Variants in HTRA1 observed in about 807,000 individuals in gnomAD.
HTRA1 encodes serine protease HTRA1.
In HTRA1, 26 loss-of-function variants were observed where a neutral mutation model predicts 49.7. The ratio of observed to expected loss-of-function variants is 0.52; its 90% CI spans 0.38 to 0.73. The LOEUF is 0.73. Among genes scored for constraint, HTRA1 ranks in the 30% least tolerant of loss-of-function variants. HTRA1 has a pLI of 0.00. For synonymous variants in HTRA1, 291 were observed against 286.9 expected (o/e 1.01, Z -0.14); for missense variants, 561 against 667.2 (o/e 0.84, Z 1.75).
chr10:122,506,614 G>A lies in HTRA1; in HGVS notation c.778-77G>A, dbSNP rs1015682855. 4.5e-6 allele frequency: 6 copies of A among 1,341,864 alleles called. No individual in the cohort carries two copies. Among genetic ancestry groups the A allele is most frequent in the African/African-American group, 2.9e-5 (2 of 69,934 alleles). 83.1% of individuals were successfully genotyped at this position (1,341,864 alleles called of 1,614,324 possible). A position where few individuals can be genotyped will look rare whatever the true frequency, so the allele number is the denominator to read the frequency against. On this transcript the variant is annotated intron_variant, in intron 3 of 8. Coordinates refer to ENST00000368984, the MANE Select transcript of HTRA1 (RefSeq NM_002775.5). This position sits in a 1 kb window ranked among gnomAD's most constrained non-coding sequence, Gnocchi z 5.2. ...AATAGCCCGTCACTGTCCCTGCTTG[G>A]TTTTCCATGATATCTGTGCCTTTAC...
intron 1 of HTRA1, among the ~76,000 whole-genome samples, chr10:122,476,096 T>G (rs1329420652): frequency 2.0e-5 from 3 of 152,208 alleles, no homozygotes; most frequent in Non-Finnish European, 2.9e-5. Flanking sequence ...GCTTCATGCC[T>G]CACTGGCCAT....
At chr10:122,501,804 G>A (rs1263360874) in intron 3 of HTRA1, among the ~76,000 whole-genome samples, 2 of 152,072 alleles carry the variant, frequency 1.3e-5, no homozygotes, top group African/African-American at 2.4e-5. Context: ...TGTCTGGAAT[G>A]GTGGTGGCCG....
At chr10:122,496,224 GGTTCTTTTTTT>G (rs2097498589) in intron 3 of HTRA1, among the ~76,000 whole-genome samples, 2 of 32,064 alleles carry the variant, frequency 6.2e-5, no homozygotes, top group African/African-American at 3.1e-4. Flanking sequence ...AGAGATTGTG[GGTTCTTTTTTT>G]TTTTTTTTTT....
chr10:122,511,893 C>A, intron 7 of HTRA1, 77 bp from the exon 8 acceptor site: 1 of 999,374 alleles, frequency 1.0e-6, no homozygotes, highest in Non-Finnish European at 1.6e-6. Context: ...AAGACGGGAA[C>A]TGGTGAGAGC....
intron 1 of HTRA1, among the ~76,000 whole-genome samples, chr10:122,468,765 ACT>A: frequency 6.6e-6 from 1 of 152,048 alleles, no homozygotes; most frequent in East Asian, 1.9e-4. Context: ...CATCTCGTTA[ACT>A]CTCCCTGGAG....
intron 1 of HTRA1, among the ~76,000 whole-genome samples, chr10:122,481,756 G>C (rs763794580): frequency 3.9e-5 from 6 of 152,160 alleles, no homozygotes; most frequent in Non-Finnish European, 8.8e-5. Flanking sequence ...TTGAATCATG[G>C]GGGCAGATCT....
At chr10:122,513,079 G>A (rs2097506344) in intron 8 of HTRA1, among the ~76,000 whole-genome samples, 1 of 152,194 alleles carries the variant, frequency 6.6e-6, no homozygotes, top group African/African-American at 2.4e-5. Context: ...CAGCAGAGTT[G>A]AGTAGCTTCA....
chr10:122,498,865 C>T lies in HTRA1; in HGVS notation c.778-7826C>T, dbSNP rs2097499772. The stretch of plus-strand genomic sequence containing the variant: ...AGGGAACTTGGGGCTTTAGCTCAGG[C>T]TGGATTCCTCCTGCTGCCTCCCCAG... On this transcript the variant is annotated intron_variant, in intron 3 of 8. Transcript: ENST00000368984. Among the ~76,000 whole-genome samples the T allele has an allele frequency of 3.3e-5, 5 of 152,234 alleles. No individual in the cohort carries two copies. The South Asian group carries it at 1.0e-3, about 32-fold the overall frequency.
At chr10:122,483,372 A>G (rs2097491828) in intron 1 of HTRA1, among the ~76,000 whole-genome samples, 1 of 152,232 alleles carries the variant, frequency 6.6e-6, no homozygotes, top group African/African-American at 2.4e-5. Flanking sequence ...TTAATGGGCC[A>G]TTTGTTGTGT....
In HTRA1 at chr10:122,489,564, G is replaced by A. The variant is rs878973286; in HGVS notation, c.715G>A (p.Glu239Lys). 9.3e-6 allele frequency: 15 copies of A among 1,614,046 alleles called. No individual in the cohort carries two copies. The highest frequency in any genetic ancestry group is 2.7e-5 in the African/African-American group (2 of 74,916). ...TGAGCTGAAGAACGGTGCCACTTAC[G>A]AAGCCAAAATCAAGGATGTGGATGA... Reference protein sequence around the residue: ...KVELKNGATYEAKIKDVDEKA... With the variant: ...KVELKNGATYKAKIKDVDEKA... Residue 239 changes from glutamate (E) to lysine (K), a missense_variant, in exon 3 of 9, where the codon GAA (glutamate) becomes AAA (lysine). Physicochemically the swap from Glu to Lys is moderately conservative, Grantham distance 56. Coordinates refer to ENST00000368984, the MANE Select transcript of HTRA1 (RefSeq NM_002775.5).
chr10:122,483,608 AC>A (rs1456657425), intron 1 of HTRA1, among the ~76,000 whole-genome samples: 2 of 152,224 alleles, frequency 1.3e-5, no homozygotes, highest in Non-Finnish European at 2.9e-5. Flanking sequence ...GTGAATTTCT[AC>A]AAAAACTCCT....
At chr10:122,473,556 C>T (rs1287219483) in intron 1 of HTRA1, among the ~76,000 whole-genome samples, 2 of 152,106 alleles carry the variant, frequency 1.3e-5, no homozygotes, top group South Asian at 2.1e-4. Flanking sequence ...AGAAAGAACA[C>T]GATTATTTTT....
intron 1 of HTRA1, among the ~76,000 whole-genome samples, chr10:122,476,024 T>C (rs1316138813): frequency 6.6e-6 from 1 of 152,186 alleles, no homozygotes; most frequent in Non-Finnish European, 1.5e-5. Context: ...CTGGGTCATA[T>C]ATGCTTCTTT....
chr10:122,496,258 T>TTTTTTTTTTTTTTTTG (rs1565427230), intron 3 of HTRA1, among the ~76,000 whole-genome samples: 1 of 132,576 alleles, frequency 7.5e-6, no homozygotes, highest in African/African-American at 2.8e-5. Flanking sequence ...TTTTTTTTTT[T>TTTTTTTTTTTTTTTTG]TGCAGAGATG....
At position 122,496,225 on chromosome 10, in the gene HTRA1, GTTCTTTTTTTTTTTTTT is replaced by G. The variant is rs1441283071; in HGVS notation, c.777+6602_777+6618del. Among the ~76,000 whole-genome samples the G allele has an allele frequency of 1.0e-3, 82 of 80,416 alleles. 1 individual carries two copies. Among genetic ancestry groups the G allele is most frequent in the Middle Eastern group, 8.2e-3 (1 of 122 alleles). 52.8% of individuals were successfully genotyped at this position (80,416 alleles called of 152,430 possible). A position where few individuals can be genotyped will look rare whatever the true frequency, so the allele number is the denominator to read the frequency against. On this transcript the variant is annotated intron_variant, in intron 3 of 8. Coordinates refer to ENST00000368984, the MANE Select transcript of HTRA1 (RefSeq NM_002775.5). ...CCCTTTCGTTTGCCAGAGATTGTGGGTTCTTTTTTTTTTTTTTTTTTTTTTTTTTTTTTTGCAGAGAT... is the reference window on the plus strand; with the variant it reads ...CCCTTTCGTTTGCCAGAGATTGTGGGTTTTTTTTTTTTTTTTTGCAGAGAT...
intron 1 of HTRA1, among the ~76,000 whole-genome samples, chr10:122,466,543 G>C (rs570050181): frequency 9.2e-5 from 14 of 152,274 alleles, no homozygotes; most frequent in African/African-American, 3.1e-4. Flanking sequence ...TGCTGACCCT[G>C]TACTGAGCTC....
intron 3 of HTRA1, among the ~76,000 whole-genome samples, chr10:122,502,488 C>A (rs1226152659): frequency 6.6e-6 from 1 of 152,192 alleles, no homozygotes; most frequent in Non-Finnish European, 1.5e-5. Context: ...GACTCTGACA[C>A]CCTCACTGGA....
intron 3 of HTRA1, among the ~76,000 whole-genome samples, chr10:122,501,948 T>C (rs1195280312): frequency 6.9e-6 from 1 of 145,304 alleles, no homozygotes. Flanking sequence ...CTACTCTACA[T>C]ACTCCATTTG....
Position 122,510,109 on chromosome 10 carries a change from CAAG to C in HTRA1, c.1141_1143del (p.Lys381del), listed in dbSNP as rs976372232. On this transcript the variant is annotated inframe_deletion, in exon 7 of 9. Coordinates refer to ENST00000368984, the MANE Select transcript of HTRA1 (RefSeq NM_002775.5). Reference sequence around the variant, plus strand: ...TTGTCTCACCAGGAAAAGCCATCACCAAGAAGAAGTATATTGGTATCCGAATGA... The same window carrying C: ...TTGTCTCACCAGGAAAAGCCATCACCAAGAAGTATATTGGTATCCGAATGA... 1.3e-5 allele frequency: 21 copies of C among 1,613,892 alleles called. No homozygotes were observed. The highest frequency in any genetic ancestry group is 2.7e-5 in the African/African-American group (2 of 74,902).
Sources: allele counts gnomAD v4.1 joint callset (sites outside exome capture counted in the v4.1 genomes callset), GRCh38; gene constraint gnomAD v4.1.1; non-coding constraint Gnocchi (gnomAD v3.1); transcripts MANE v1.5; gene names NCBI Gene and HGNC (gene_info 2026-07-23, HGNC 2026-07-21).